PHACTR2: variants seen among roughly 807,000 people sequenced by gnomAD.
PHACTR2 encodes phosphatase and actin regulator 2, also known as chromosome 6 open reading frame 56.
In PHACTR2, 30 loss-of-function variants were observed where a neutral mutation model predicts 76.0. The observed-to-expected ratio is 0.39, with a 90% confidence interval of 0.30 to 0.54. The LOEUF (loss-of-function observed/expected upper bound fraction) is 0.54, where lower values mean the gene tolerates loss of function less well. Ranked by LOEUF, PHACTR2 falls within the 20% of genes least tolerant of loss-of-function variation. PHACTR2 has a pLI of 0.61. For synonymous variants in PHACTR2, 292 were observed against 292.5 expected (o/e 1.00, Z 0.02); for missense variants, 696 against 781.1 (o/e 0.89, Z 1.30).
At chr6:143,645,907 T>C (rs1346591263) in intron 1 of PHACTR2, among the ~76,000 whole-genome samples, 1 of 152,118 alleles carries the variant, frequency 6.6e-6, no homozygotes, top group Non-Finnish European at 1.5e-5. Context: ...CACTAGAGTG[T>C]GGAAGTCATT....
In PHACTR2 at chr6:143,557,763, T is replaced by C. The variant is rs1310607955; in HGVS notation, c.217+20556T>C. On this transcript the variant is annotated intron_variant, in intron 1 of 11. Transcript: ENST00000367584. The surrounding 1 kb of genome is among the most constrained non-coding windows in gnomAD (Gnocchi z 5.5). ...CCACCTTTGAAACACAGGCGTGTTG[T>C]TTCTTTTGCCTGAACCCCAATAGAA... 6.6e-6 allele frequency: 1 copy of C among 152,212 alleles called. No individual in the cohort carries two copies. The highest frequency in any genetic ancestry group is 1.9e-4 in the East Asian group (1 of 5,198). The allele number at this position is 152,212 out of a possible 1,614,324, so 9.4% of individuals were successfully genotyped here.
chr6:143,550,033 G>C lies in PHACTR2; in HGVS notation c.217+12826G>C, dbSNP rs964223808. On this transcript the variant is annotated intron_variant, in intron 1 of 11. Transcript: ENST00000367584. This position sits in a 1 kb window ranked among gnomAD's most constrained non-coding sequence, Gnocchi z 4.8. The stretch of plus-strand genomic sequence containing the variant: ...ACCATTTTTTGCTAGGTGGGAGTTG[G>C]AGTGATATCCCAATGCATCAGTGGA... Among the ~76,000 whole-genome samples, 2 of 151,986 alleles carry C rather than the reference G, an allele frequency of 1.3e-5. No homozygotes were observed. Among genetic ancestry groups the C allele is most frequent in the African/African-American group, 4.8e-5 (2 of 41,394 alleles).
At chr6:143,567,074 G>A (rs763678081) in intron 1 of PHACTR2, among the ~76,000 whole-genome samples, 5 of 152,038 alleles carry the variant, frequency 3.3e-5, no homozygotes, top group Non-Finnish European at 5.9e-5. Flanking sequence ...TCATCTACAC[G>A]TCGCGCTCCT....
chr6:143,614,980 C>G (rs1440846139), intron 1 of PHACTR2, among the ~76,000 whole-genome samples: 1 of 152,042 alleles, frequency 6.6e-6, no homozygotes, highest in East Asian at 1.9e-4. Context: ...AATCAGGTAC[C>G]AAGAACATAT....
intron 1 of PHACTR2, among the ~76,000 whole-genome samples, chr6:143,565,787 C>A (rs529098251): frequency 4.6e-5 from 7 of 152,126 alleles, no homozygotes; most frequent in Admixed American, 2.0e-4. Context: ...ATGGAGCCTG[C>A]CAAGCTGGAT....
At chr6:143,567,749 GGTACTGA>G (rs573138809) in intron 1 of PHACTR2, among the ~76,000 whole-genome samples, 162 of 152,266 alleles carry the variant, frequency 1.1e-3, no homozygotes, top group African/African-American at 3.8e-3. Context: ...CCTACACTGG[GGTACTGA>G]GTTGAGGAAT....
At chr6:143,645,787 T>C (rs1042925335) in intron 1 of PHACTR2, among the ~76,000 whole-genome samples, 5 of 152,206 alleles carry the variant, frequency 3.3e-5, no homozygotes, top group African/African-American at 7.2e-5. Flanking sequence ...AGACTGTATG[T>C]CCCTTCCTCA....
rs1035928698 is a variant in PHACTR2 at position 143,623,393 on chromosome 6, G to A, written c.13+15071G>A. On this transcript the variant is annotated intron_variant, in intron 1 of 11. Transcript: ENST00000305766. The surrounding 1 kb of genome is among the most constrained non-coding windows in gnomAD (Gnocchi z 5.9). ...AGTTCAAGACCAGCCTGGCCAACAT[G>A]GTGAAACCCTGTCTCTACTAAATAT... 6.6e-6 allele frequency among the ~76,000 whole-genome samples: 1 copy of A among 152,082 alleles called. No homozygotes were observed. Among genetic ancestry groups the A allele is most frequent in the African/African-American group, 2.4e-5 (1 of 41,388 alleles).
intron 2 of PHACTR2, among the ~76,000 whole-genome samples, chr6:143,746,058 C>T (rs1012759830): frequency 2.0e-5 from 3 of 152,140 alleles, no homozygotes; most frequent in African/African-American, 7.2e-5. Flanking sequence ...AATAAGAAAC[C>T]TGGTATGTTT....
chr6:143,820,114 G>A lies in PHACTR2; in HGVS notation c.1923-3560G>A, dbSNP rs770742507. Among the ~76,000 whole-genome samples, 1 of 152,004 alleles carries A rather than the reference G, an allele frequency of 6.6e-6. No homozygotes were observed. Among genetic ancestry groups the A allele is most frequent in the East Asian group, 1.9e-4 (1 of 5,190 alleles). ...TCACAAAGACAGTACCAAGCCATAG[G>A]GATCCACCCCCAGGACCCAAACACC... is the stretch of plus-strand genomic sequence containing the variant. On this transcript the variant is annotated intron_variant, in intron 12 of 12. Coordinates refer to ENST00000440869, the MANE Select transcript of PHACTR2 (RefSeq NM_001100164.2). The surrounding 1 kb of genome is among the most constrained non-coding windows in gnomAD (Gnocchi z 4.2).
intron 2 of PHACTR2, among the ~76,000 whole-genome samples, chr6:143,747,184 G>A (rs1470682226): frequency 1.3e-5 from 2 of 152,098 alleles, no homozygotes; most frequent in Admixed American, 6.5e-5. Context: ...TTCCATCCAC[G>A]AATTGTCATA....
rs1370462119 is a variant in PHACTR2 at position 143,648,855 on chromosome 6, CAT to C, written c.13+40534_13+40535del. Among the ~76,000 whole-genome samples, 3 of 148,700 alleles carry C rather than the reference CAT, an allele frequency of 2.0e-5. No homozygotes were observed. Among genetic ancestry groups the C allele is most frequent in the Non-Finnish European group, 3.0e-5 (2 of 67,138 alleles). On this transcript the variant is annotated intron_variant, in intron 1 of 11. Coordinates refer to the PHACTR2 transcript ENST00000305766. This position sits in a 1 kb window ranked among gnomAD's most constrained non-coding sequence, Gnocchi z 6.7. ...ACAAGTGTGTGTCTGTGTATGTGTC[CAT>C]GTGTGTGTCTATGCATATGTGTCTA... is the stretch of plus-strand genomic sequence containing the variant.
chr6:143,687,279 A>G (rs997610058), intron 1 of PHACTR2, among the ~76,000 whole-genome samples: 4 of 152,190 alleles, frequency 2.6e-5, no homozygotes, highest in African/African-American at 9.7e-5. Context: ...ACTAATGAGC[A>G]AGTCACACGT....
In PHACTR2 at chr6:143,663,844, A is replaced by G. The variant is rs1345605174; in HGVS notation, c.14-48172A>G. Among the ~76,000 whole-genome samples the G allele has an allele frequency of 6.6e-6, 1 of 152,118 alleles. No individual in the cohort carries two copies. Among genetic ancestry groups the G allele is most frequent in the Non-Finnish European group, 1.5e-5 (1 of 67,984 alleles). On this transcript the variant is annotated intron_variant, in intron 1 of 11. Coordinates refer to the PHACTR2 transcript ENST00000305766. This position sits in a 1 kb window ranked among gnomAD's most constrained non-coding sequence, Gnocchi z 4.1. ...AAAATTTATTGAGATTTCTGTTATG[A>G]TCTAGTGTTAAATCAATGTACAGTT...
Position 143,596,085 on chromosome 6 carries a change from T to G in PHACTR2, c.217+58878T>G, listed in dbSNP as rs1051834241. 6.6e-6 allele frequency among the ~76,000 whole-genome samples: 1 copy of G among 152,268 alleles called. No individual in the cohort carries two copies. Among genetic ancestry groups the G allele is most frequent in the African/African-American group, 2.4e-5 (1 of 41,476 alleles). The stretch of plus-strand genomic sequence containing the variant: ...GATTCTATAAATTTAGATAATTTAC[T>G]AATCATTATGCTTATTAAGTAATTT... On this transcript the variant is annotated intron_variant, in intron 1 of 11. Coordinates refer to the PHACTR2 transcript ENST00000367584. This position sits in a 1 kb window ranked among gnomAD's most constrained non-coding sequence, Gnocchi z 4.6.
chr6:143,664,183 T>A lies in PHACTR2; in HGVS notation c.14-47833T>A, dbSNP rs1582748389. ...CTCTATACTATTTGTTATTTTACCTTCAGTTTTAATTTATCTATTATTAAT... is the reference window on the plus strand; with the variant it reads ...CTCTATACTATTTGTTATTTTACCTACAGTTTTAATTTATCTATTATTAAT... On this transcript the variant is annotated intron_variant, in intron 1 of 11. Coordinates refer to the PHACTR2 transcript ENST00000305766. This position sits in a 1 kb window ranked among gnomAD's most constrained non-coding sequence, Gnocchi z 5.1. Among the ~76,000 whole-genome samples the A allele has an allele frequency of 6.6e-6, 1 of 152,122 alleles. No individual in the cohort carries two copies. Among genetic ancestry groups the A allele is most frequent in the Non-Finnish European group, 1.5e-5 (1 of 67,986 alleles).
In PHACTR2 at chr6:143,819,369, G is replaced by A. The variant is rs1157981111; in HGVS notation, c.1923-4305G>A. On this transcript the variant is annotated intron_variant, in intron 12 of 12. Coordinates refer to ENST00000440869, the MANE Select transcript of PHACTR2 (RefSeq NM_001100164.2). The surrounding 1 kb of genome is among the most constrained non-coding windows in gnomAD (Gnocchi z 5.0). The stretch of plus-strand genomic sequence containing the variant: ...GGACAGGGGTGGGTATAGATCCGAT[G>A]GCCAAGAAAGGGGTCTGTATCTGTC... 1.3e-5 allele frequency among the ~76,000 whole-genome samples: 2 copies of A among 152,264 alleles called. No homozygotes were observed. The highest frequency in any genetic ancestry group is 3.4e-3 in the Middle Eastern group (1 of 294).
rs1004585863 is a variant in PHACTR2, at chr6:143,709,254, A to G, written c.47-2762A>G. Among the ~76,000 whole-genome samples the G allele has an allele frequency of 2.0e-5, 3 of 152,216 alleles. No homozygotes were observed. Among genetic ancestry groups the G allele is most frequent in the Admixed American group, 6.5e-5 (1 of 15,286 alleles). ...GTTAGGAACCACTTTCAGAAGAATC[A>G]GTTAGCGTAGGACTTGAATCTCCAA... On this transcript the variant is annotated intron_variant, in intron 1 of 12. Coordinates refer to ENST00000440869, the MANE Select transcript of PHACTR2 (RefSeq NM_001100164.2). The surrounding 1 kb of genome is among the most constrained non-coding windows in gnomAD (Gnocchi z 4.4).
At position 143,549,499 on chromosome 6, in the gene PHACTR2, A is replaced by G. The variant is rs1435250611; in HGVS notation, c.217+12292A>G. Among the ~76,000 whole-genome samples the G allele has an allele frequency of 6.6e-6, 1 of 151,994 alleles. No homozygotes were observed. The highest frequency in any genetic ancestry group is 1.9e-4 in the East Asian group (1 of 5,182). The stretch of plus-strand genomic sequence containing the variant: ...CTCCTTAGGCAGCTGACACATTCTC[A>G]GAAGGCCGGCCACAGGCAATGGCAA... On this transcript the variant is annotated intron_variant, in intron 1 of 11. Coordinates refer to the PHACTR2 transcript ENST00000367584. This position sits in a 1 kb window ranked among gnomAD's most constrained non-coding sequence, Gnocchi z 4.2.
Sources: allele counts gnomAD v4.1 joint callset (sites outside exome capture counted in the v4.1 genomes callset), GRCh38; gene constraint gnomAD v4.1.1; non-coding constraint Gnocchi (gnomAD v3.1); transcripts MANE v1.5; gene names NCBI Gene and HGNC (gene_info 2026-07-23, HGNC 2026-07-21).